Variants in SLCO3A1 observed in about 807,000 individuals in gnomAD.
SLCO3A1 encodes the protein solute carrier organic anion transporter family member 3A1.
SLCO3A1 carries 27 observed loss-of-function variants against 63.1 expected under a neutral mutation model. That is an observed-to-expected ratio of 0.43 (90% CI 0.32 to 0.59). SLCO3A1 has a LOEUF of 0.59. Ranked by LOEUF, SLCO3A1 falls within the 20% of genes least tolerant of loss-of-function variation. SLCO3A1 has a pLI of 0.09. For synonymous variants in SLCO3A1, 473 were observed against 409.9 expected (o/e 1.15, Z -1.86); for missense variants, 773 against 945.8 (o/e 0.82, Z 2.40).
chr15:92,046,728 A>C (rs911787414), intron 2 of SLCO3A1, among the ~76,000 whole-genome samples: 12 of 151,628 alleles, frequency 7.9e-5, no homozygotes, highest in African/African-American at 2.9e-4. Context: ...GATTTACTTC[A>C]GGTAGAGCAG....
chr15:92,132,408 G>A (rs1315892858), intron 7 of SLCO3A1, among the ~76,000 whole-genome samples: 3 of 142,826 alleles, frequency 2.1e-5, no homozygotes, highest in Non-Finnish European at 4.7e-5. Context: ...TTTAATGTAC[G>A]ACTTCTAATT....
rs534997021 is a variant in SLCO3A1, at chr15:91,865,045, G to A, written c.180+10957G>A. Among the ~76,000 whole-genome samples, 29 of 152,286 alleles carry A rather than the reference G, an allele frequency of 1.9e-4. No individual in the cohort carries two copies. Among genetic ancestry groups the A allele is most frequent in the Non-Finnish European group, 1.6e-4 (11 of 68,024 alleles). ...GGGCAGTGTCCTTTCTGCCCCCTCC[G>A]TGGTTGGCCACCCGCTGTCCCTATC... is the stretch of plus-strand genomic sequence containing the variant. On this transcript the variant is annotated intron_variant, in intron 1 of 9. Transcript: ENST00000318445. This position sits in a 1 kb window ranked among gnomAD's most constrained non-coding sequence, Gnocchi z 4.6.
chr15:92,013,024 G>A (rs2046386280), intron 2 of SLCO3A1, among the ~76,000 whole-genome samples: 1 of 152,188 alleles, frequency 6.6e-6, no homozygotes, highest in African/African-American at 2.4e-5. Flanking sequence ...AAAATAGCCA[G>A]TGGCCCCACA....
Position 91,900,886 on chromosome 15 carries a change from G to A in SLCO3A1, c.181-15107G>A, listed in dbSNP as rs1004616177. Among the ~76,000 whole-genome samples, 69 of 152,074 alleles carry A rather than the reference G, an allele frequency of 4.5e-4. 1 individual carries two copies. The highest frequency in any genetic ancestry group is 1.6e-3 in the African/African-American group (66 of 41,402). On this transcript the variant is annotated intron_variant, in intron 1 of 9. Coordinates refer to ENST00000318445, the MANE Select transcript of SLCO3A1 (RefSeq NM_013272.4). This position sits in a 1 kb window ranked among gnomAD's most constrained non-coding sequence, Gnocchi z 4.3. ...TCATCTTTATCCTTACTGATTTTCT[G>A]TCTCATTGTTTTATCAATTATTGAG...
At chr15:92,042,628 C>T (rs1394786012) in intron 2 of SLCO3A1, among the ~76,000 whole-genome samples, 1 of 152,094 alleles carries the variant, frequency 6.6e-6, no homozygotes, top group Non-Finnish European at 1.5e-5. Flanking sequence ...TTGACTGTAA[C>T]ATGGAGGTGG....
intron 1 of SLCO3A1, among the ~76,000 whole-genome samples, chr15:91,899,364 C>A (rs1192668679): frequency 6.6e-6 from 1 of 152,200 alleles, no homozygotes; most frequent in Non-Finnish European, 1.5e-5. Context: ...AGTTCACCAA[C>A]TGTCCCCCTG....
intron 2 of SLCO3A1, among the ~76,000 whole-genome samples, chr15:92,010,660 G>T (rs550718671): frequency 6.6e-6 from 1 of 152,110 alleles, no homozygotes; most frequent in East Asian, 1.9e-4. Flanking sequence ...TAACTCTGTT[G>T]TTGATGTCAG....
chr15:92,065,789 C>T (rs1168166914), intron 2 of SLCO3A1, among the ~76,000 whole-genome samples: 1 of 152,182 alleles, frequency 6.6e-6, no homozygotes, highest in African/African-American at 2.4e-5. Context: ...TACAGAGTTG[C>T]ACAACCATCA....
At chr15:92,035,071 C>T (rs962947964) in intron 2 of SLCO3A1, among the ~76,000 whole-genome samples, 5 of 151,842 alleles carry the variant, frequency 3.3e-5, no homozygotes, top group African/African-American at 1.2e-4. Context: ...GACAATGAAG[C>T]TCCCAGGTAC....
At position 92,146,937 on chromosome 15, in the gene SLCO3A1, A is replaced by T. The variant is rs368298331; in HGVS notation, c.1513-47A>T. 107 of 1,540,812 alleles carry T rather than the reference A, an allele frequency of 6.9e-5. No homozygotes were observed. The Admixed American group carries it at 8.5e-4, about 12-fold the overall frequency. ...AGCTGATGGATGGCTTTGCCTTTGG[A>T]AACCGGAAGTACCCCCAGATAAAAG... is the stretch of plus-strand genomic sequence containing the variant. On this transcript the variant is annotated intron_variant, in intron 7 of 9. Coordinates refer to ENST00000318445, the MANE Select transcript of SLCO3A1 (RefSeq NM_013272.4).
At chr15:91,926,608 C>T (rs1469803661) in intron 2 of SLCO3A1, among the ~76,000 whole-genome samples, 1 of 84,336 alleles carries the variant, frequency 1.2e-5, no homozygotes. Context: ...CGCGCGCGCA[C>T]GCCCATGCTT....
chr15:92,132,099 A>G (rs2048003355), intron 7 of SLCO3A1, among the ~76,000 whole-genome samples: 1 of 145,268 alleles, frequency 6.9e-6, no homozygotes. Context: ...CAGGGGTAAT[A>G]CCATTCTCTT....
Position 91,880,150 on chromosome 15 carries a change from C to T in SLCO3A1, c.180+26062C>T, listed in dbSNP as rs879558099. On this transcript the variant is annotated intron_variant, in intron 1 of 9. Transcript: ENST00000318445. ...CCGTCCGTCCATCCATCCATCCATC[C>T]ATCCATCCATCCATCCATCCATCTA... Among the ~76,000 whole-genome samples the T allele has an allele frequency of 3.5e-3, 498 of 143,860 alleles. 1 individual carries two copies. Among genetic ancestry groups the T allele is most frequent in the Middle Eastern group, 7.1e-3 (2 of 280 alleles). 94.4% of individuals were successfully genotyped at this position (143,860 alleles called of 152,430 possible).
chr15:92,124,896 G>A (rs1281022979), intron 5 of SLCO3A1, among the ~76,000 whole-genome samples: 1 of 152,176 alleles, frequency 6.6e-6, no homozygotes, highest in African/African-American at 2.4e-5. Context: ...CCTAGGGAGA[G>A]AAAGGAGGGA....
intron 1 of SLCO3A1, among the ~76,000 whole-genome samples, chr15:91,855,752 A>T (rs2141828396): frequency 6.6e-6 from 1 of 152,306 alleles, no homozygotes; most frequent in African/African-American, 2.4e-5. Flanking sequence ...AATAAAATAT[A>T]TGTGGGTCTG....
intron 2 of SLCO3A1, among the ~76,000 whole-genome samples, chr15:91,951,889 G>T (rs1325729653): frequency 6.6e-6 from 1 of 152,058 alleles, no homozygotes; most frequent in Non-Finnish European, 1.5e-5. Flanking sequence ...GTGCATTTTT[G>T]ATTCTCTTTT....
rs577684016 is a variant in SLCO3A1 at position 92,115,001 on chromosome 15, C to T, written c.1010-5464C>T. On this transcript the variant is annotated intron_variant, in intron 4 of 9. Transcript: ENST00000318445. The stretch of plus-strand genomic sequence containing the variant: ...ATTGTAATTACTGAGCAGTTGCATG[C>T]ATTAGCTTCATCTCCCCTTCTTGGG... 7.2e-5 allele frequency among the ~76,000 whole-genome samples: 11 copies of T among 152,298 alleles called. No homozygotes were observed. In the South Asian group the frequency reaches 1.7e-3, roughly 23 times the overall value.
chr15:92,163,841 T>C lies in SLCO3A1; in HGVS notation c.*706T>C. The C allele has an allele frequency of 1.0e-6, 1 of 985,466 alleles. No individual in the cohort carries two copies. Among genetic ancestry groups the C allele is most frequent in the Non-Finnish European group, 1.2e-6 (1 of 830,048 alleles). 61.0% of individuals were successfully genotyped at this position (985,466 alleles called of 1,614,324 possible). ...CCAGCTCCATTTCCATGTTCAAGAC[T>C]GAGGGCCTGAGGGGGAGCCAGGTGG... On this transcript the variant is annotated 3_prime_UTR_variant, in exon 10 of 10. Transcript: ENST00000318445.
intron 8 of SLCO3A1, among the ~76,000 whole-genome samples, chr15:92,147,941 G>A (rs1346395507): frequency 6.6e-6 from 1 of 152,200 alleles, no homozygotes; most frequent in Non-Finnish European, 1.5e-5. Flanking sequence ...CATCAGCTGG[G>A]CATGGTGGCT....
Sources: allele counts gnomAD v4.1 joint callset (sites outside exome capture counted in the v4.1 genomes callset), GRCh38; gene constraint gnomAD v4.1.1; non-coding constraint Gnocchi (gnomAD v3.1); transcripts MANE v1.5; gene names NCBI Gene and HGNC (gene_info 2026-07-23, HGNC 2026-07-21).